Variants in PGBD2 observed in about 807,000 individuals in gnomAD.
PGBD2 encodes piggyBac transposable element-derived protein 2.
A neutral mutation model predicts 8.1 loss-of-function variants in PGBD2; 6 were observed. The observed-to-expected ratio is 0.74, with a 90% CI of 0.40 to 1.46. The LOEUF (loss-of-function observed/expected upper bound fraction) is 1.46. PGBD2 is among the 40% of genes most tolerant of loss of function. The pLI, the probability that PGBD2 is intolerant of heterozygous loss-of-function variation, is 0.02. For missense variants in PGBD2, 802 were observed against 739.0 expected, an observed-to-expected ratio of 1.09 and a Z score of -0.99; for synonymous variants, 318 against 272.2, an observed-to-expected ratio of 1.17 and a Z score of -1.66.
At chr1:248,875,787 C>A in the PGBD2 span, among the ~76,000 whole-genome samples, 535 of 152,240 alleles carry the variant, frequency 3.5e-3, 1 homozygote, top group Non-Finnish European at 5.9e-3. Context: ...ATGTTTAAAA[C>A]AAATAGGCCT....
the PGBD2 span, among the ~76,000 whole-genome samples, chr1:248,927,464 A>G: frequency 6.6e-6 from 1 of 152,226 alleles, no homozygotes; most frequent in Non-Finnish European, 1.5e-5. Context: ...TTAAAACAAG[A>G]GTCAGCAAAT....
chr1:248,878,282 C>G, the PGBD2 span, among the ~76,000 whole-genome samples: 1 of 151,908 alleles, frequency 6.6e-6, no homozygotes, highest in Non-Finnish European at 1.5e-5. Flanking sequence ...CGAGTTCAAG[C>G]GAGTCTCCTG....
chr1:248,911,335 C>T (rs866638722), intron 1 of PGBD2, among the ~76,000 whole-genome samples: 5 of 151,160 alleles, frequency 3.3e-5, no homozygotes, highest in Admixed American at 1.3e-4. Flanking sequence ...GAGCATCCTG[C>T]CTTCAAGCAT....
chr1:248,890,932 C>T, the PGBD2 span, among the ~76,000 whole-genome samples: 1 of 151,358 alleles, frequency 6.6e-6, no homozygotes, highest in East Asian at 1.9e-4. Flanking sequence ...ACCACACCTC[C>T]CCACCCCCGA....
rs1662081166 is a variant in PGBD2, at chr1:248,915,895, G to T, written c.18-707G>T. ...AAGGTATAGTAAGACAAATGTAATTGCAGAGCTCCTAGGGCCATTGAGTCT... is the reference window on the plus strand; with the variant it reads ...AAGGTATAGTAAGACAAATGTAATTTCAGAGCTCCTAGGGCCATTGAGTCT... On this transcript the variant is annotated intron_variant, in intron 2 of 2. Transcript: ENST00000329291. Among the ~76,000 whole-genome samples the T allele has an allele frequency of 2.0e-5, 3 of 152,168 alleles. No homozygotes were observed. In the South Asian group the frequency reaches 6.2e-4, roughly 31 times the overall value.
chr1:248,928,274 C>A, the PGBD2 span, among the ~76,000 whole-genome samples: 2,125 of 152,276 alleles, frequency 0.014, 23 homozygotes, highest in Non-Finnish European at 0.021. Context: ...TTTTCTTTCT[C>A]CAGACTTATC....
the PGBD2 span, among the ~76,000 whole-genome samples, chr1:248,873,208 T>A: frequency 6.6e-6 from 1 of 151,848 alleles, no homozygotes; most frequent in Non-Finnish European, 1.5e-5. Flanking sequence ...TGCTCTGCAC[T>A]GCGAGTCCCG....
chr1:248,887,057 C>A, the PGBD2 span, among the ~76,000 whole-genome samples: 1 of 152,078 alleles, frequency 6.6e-6, no homozygotes, highest in Non-Finnish European at 1.5e-5. Context: ...GTTATACACA[C>A]ATAAGCTTAC....
At position 248,917,034 on chromosome 1, in the gene PGBD2, T is replaced by A. The variant is rs748260058; in HGVS notation, c.450T>A (p.Asp150Glu). The A allele has an allele frequency of 3.7e-6, 6 of 1,613,722 alleles. No homozygotes were observed. The African/African-American group carries it at 4.0e-5, about 11-fold the overall frequency. The stretch of plus-strand genomic sequence containing the variant: ...TGGGCCTTTTTGAGTTGTTTTTTGA[T>A]GAAGGAACAATTAATTTCATTGTTA... ...SPVGLFELFF[D>E]EGTINFIVNE... is the part of the protein sequence containing the mutation. Residue 150 changes from aspartate (D) to glutamate (E), a missense_variant, in exon 3 of 3, where the codon GAT becomes GAA. Coordinates refer to ENST00000329291, the MANE Select transcript of PGBD2 (RefSeq NM_170725.3).
rs1410447848 is a variant in PGBD2, at chr1:248,918,529, G to T, written c.*166G>T. 2.0e-6 allele frequency: 1 copy of T among 509,104 alleles called. No homozygotes were observed. Among genetic ancestry groups the T allele is most frequent in the Admixed American group, 3.8e-5 (1 of 26,174 alleles). The allele number at this position is 509,104 out of a possible 1,614,324, so 31.5% of individuals were successfully genotyped here. A position where few individuals can be genotyped will look rare whatever the true frequency, so the allele number is the denominator to read the frequency against. ...ACAGTTATCTTTTTTATTGTGTTGT[G>T]TTATGCCTACATGTGATATAAATTA... On this transcript the variant is annotated 3_prime_UTR_variant, in exon 3 of 3. Coordinates refer to ENST00000329291, the MANE Select transcript of PGBD2 (RefSeq NM_170725.3).
At chr1:248,883,888 T>C in the PGBD2 span, among the ~76,000 whole-genome samples, 11 of 152,126 alleles carry the variant, frequency 7.2e-5, no homozygotes, top group Admixed American at 2.0e-4. Flanking sequence ...TGAGCCACCG[T>C]GCCCGACCCT....
At chr1:248,900,084 A>G in the PGBD2 span, among the ~76,000 whole-genome samples, 2 of 150,318 alleles carry the variant, frequency 1.3e-5, no homozygotes, top group Non-Finnish European at 3.0e-5. Context: ...TGAGGCAGTA[A>G]TAAATAGCCT....
At chr1:248,923,216 T>G (rs1016560060), downstream of PGBD2, among the ~76,000 whole-genome samples, 1 of 152,228 alleles carries the variant, frequency 6.6e-6, no homozygotes, top group Non-Finnish European at 1.5e-5. Context: ...ATTTATTTGT[T>G]TCTTCTAGAT....
Position 248,917,904 on chromosome 1 carries a change from A to G in PGBD2, c.1320A>G (p.Ala440=). ...PVRLTSRHSG[A]AKTRTQVHQP... ...GGCTGACCAGTCGTCACTCTGGAGC[A>G]GCTAAAACGCGGACTCAGGTCCACC... The change falls in exon 3 of 3, where the codon GCA becomes GCG. Residue 440 remains alanine, a synonymous_variant. Coordinates refer to ENST00000329291, the MANE Select transcript of PGBD2 (RefSeq NM_170725.3). 6.2e-7 allele frequency: 1 copy of G among 1,614,248 alleles called. No individual in the cohort carries two copies.
chr1:248,874,829 C>A, the PGBD2 span, among the ~76,000 whole-genome samples: 3 of 152,052 alleles, frequency 2.0e-5, no homozygotes, highest in Non-Finnish European at 4.4e-5. Flanking sequence ...TCTTTACCTG[C>A]AATCAACACT....
At chr1:248,929,752 C>G in the PGBD2 span, among the ~76,000 whole-genome samples, 4 of 152,098 alleles carry the variant, frequency 2.6e-5, no homozygotes, top group South Asian at 2.1e-4. Context: ...GGTGTTTCCC[C>G]AAAACACTGA....
chr1:248,896,857 CA>C, the PGBD2 span, among the ~76,000 whole-genome samples: 2 of 152,214 alleles, frequency 1.3e-5, no homozygotes, highest in South Asian at 4.1e-4. Context: ...CGCCCGCTCC[CA>C]GGCCAGGGAG....
At chr1:248,914,420 C>G in intron 2 of PGBD2, 2 of 1,248,686 alleles carry the variant, frequency 1.6e-6, no homozygotes, top group Non-Finnish European at 2.1e-6. Flanking sequence ...AAGCCGGTCT[C>G]TTTTTCTGGC....
At chr1:248,924,995 T>A in the PGBD2 span, among the ~76,000 whole-genome samples, 1 of 152,146 alleles carries the variant, frequency 6.6e-6, no homozygotes, top group Non-Finnish European at 1.5e-5. Flanking sequence ...AGAGGGGATT[T>A]AATTCTAACG....
Sources: allele counts gnomAD v4.1 joint callset (sites outside exome capture counted in the v4.1 genomes callset), GRCh38; gene constraint gnomAD v4.1.1; transcripts MANE v1.5; gene names NCBI Gene and HGNC (gene_info 2026-07-23, HGNC 2026-07-21).